Variants in METTL16 observed in about 807,000 individuals in gnomAD.
METTL16 encodes the protein RNA N(6)-adenosine-methyltransferase METTL16.
A neutral mutation model predicts 57.9 loss-of-function variants in METTL16; 19 were observed. The ratio of observed to expected loss-of-function variants is 0.33; its 90% CI spans 0.23 to 0.48. METTL16 has a LOEUF of 0.48. Ranked by LOEUF, METTL16 falls within the 20% of genes least tolerant of loss-of-function variation. The pLI is 0.99. For synonymous variants in METTL16, 246 were observed against 255.6 expected, an observed-to-expected ratio of 0.96 and a Z score of 0.36; for missense variants, 434 against 691.5, an observed-to-expected ratio of 0.63 and a Z score of 4.18.
Position 2,416,049 on chromosome 17 carries a change from T to C in METTL16, c.*3921A>G, listed in dbSNP as rs1440285868. 1 of 152,192 alleles carries C rather than the reference T, an allele frequency of 6.6e-6. No homozygotes were observed. The highest frequency in any genetic ancestry group is 1.5e-5 in the Non-Finnish European group (1 of 68,038). The allele number at this position is 152,192 out of a possible 1,614,324, so 9.4% of individuals were successfully genotyped here. ...CCAGGTAAAGAGACCATGGCTAGTG[T>C]TTTTTTCTCTTTCTACTTTTATTTT... On this transcript the variant is annotated 3_prime_UTR_variant, in exon 10 of 10. Transcript: ENST00000263092.
intron 6 of METTL16, among the ~76,000 whole-genome samples, chr17:2,446,965 C>G (rs927372646): frequency 1.6e-4 from 24 of 151,372 alleles, no homozygotes; most frequent in African/African-American, 4.4e-4. Flanking sequence ...CCTTGGCCCC[C>G]CAAAGTGCCG....
intron 1 of METTL16, among the ~76,000 whole-genome samples, chr17:2,511,094 C>T (rs145006787): frequency 4.6e-5 from 7 of 152,166 alleles, no homozygotes; most frequent in Non-Finnish European, 7.4e-5. Flanking sequence ...GGACCACCGA[C>T]ACAAAGCACC....
chr17:2,489,159 T>C (rs1184391422), intron 2 of METTL16, among the ~76,000 whole-genome samples: 2 of 149,772 alleles, frequency 1.3e-5, no homozygotes, highest in African/African-American at 4.9e-5. Flanking sequence ...GGTCTCACTA[T>C]ATTGACCAGG....
rs2066743502 is a variant in METTL16 at position 2,419,453 on chromosome 17, T to G, written c.*517A>C. ...GCATTACTAAGGTTTCTCTCCCAGATTCCCCACCACCCACCATACAGCTCC... is the reference window on the plus strand; with the variant it reads ...GCATTACTAAGGTTTCTCTCCCAGAGTCCCCACCACCCACCATACAGCTCC... On this transcript the variant is annotated 3_prime_UTR_variant, in exon 10 of 10. Transcript: ENST00000263092. 3.0e-6 allele frequency: 1 copy of G among 329,504 alleles called. No homozygotes were observed. 20.4% of individuals were successfully genotyped at this position (329,504 alleles called of 1,614,324 possible). A position where few individuals can be genotyped will look rare whatever the true frequency, so the allele number is the denominator to read the frequency against.
chr17:2,424,772 T>C (rs1224979367), intron 8 of METTL16, among the ~76,000 whole-genome samples: 1 of 151,868 alleles, frequency 6.6e-6, no homozygotes, highest in Admixed American at 6.6e-5. Flanking sequence ...TATGGTGAAA[T>C]CCCATCTCTA....
intron 1 of METTL16, among the ~76,000 whole-genome samples, chr17:2,506,711 G>T (rs1286859931): frequency 3.9e-5 from 6 of 152,012 alleles, no homozygotes; most frequent in Non-Finnish European, 8.8e-5. Context: ...CCGCCACCCC[G>T]TCTGGGAAGT....
At chr17:2,440,165 G>A (rs986561971) in intron 7 of METTL16, among the ~76,000 whole-genome samples, 6 of 152,184 alleles carry the variant, frequency 3.9e-5, no homozygotes, top group African/African-American at 1.4e-4. Flanking sequence ...GCTGAAGTGG[G>A]AGGATTGCTT....
intron 6 of METTL16, among the ~76,000 whole-genome samples, chr17:2,447,023 C>T (rs1415391171): frequency 3.9e-4 from 58 of 150,274 alleles, no homozygotes; most frequent in Non-Finnish European, 6.2e-4. Flanking sequence ...AAGTGAGGAG[C>T]GTCTCTGCTT....
At chr17:2,508,248 G>GT (rs960931474) in intron 1 of METTL16, among the ~76,000 whole-genome samples, 2 of 152,094 alleles carry the variant, frequency 1.3e-5, no homozygotes, top group African/African-American at 4.8e-5. Flanking sequence ...ATTTCAGATG[G>GT]TTTTTTGACA....
chr17:2,481,361 G>C (rs1055595419), intron 2 of METTL16, among the ~76,000 whole-genome samples: 5 of 151,978 alleles, frequency 3.3e-5, no homozygotes, highest in Middle Eastern at 3.4e-3. Context: ...AAATCTGACA[G>C]ATACCCCCTT....
At chr17:2,462,856 G>C (rs1213631884) in intron 6 of METTL16, among the ~76,000 whole-genome samples, 1 of 152,050 alleles carries the variant, frequency 6.6e-6, no homozygotes, top group Non-Finnish European at 1.5e-5. Flanking sequence ...TTTATGTTAC[G>C]TGTATTTACC....
chr17:2,443,013 A>G (rs1390187097), intron 6 of METTL16, among the ~76,000 whole-genome samples: 2 of 151,748 alleles, frequency 1.3e-5, no homozygotes, highest in East Asian at 3.9e-4. Context: ...TTTTTGAGAC[A>G]GAGTACCACT....
intron 7 of METTL16, 145 bp downstream of exon 7, chr17:2,441,345 C>G (rs567790607): frequency 1.9e-6 from 1 of 521,030 alleles, no homozygotes; most frequent in Middle Eastern, 2.9e-4. Context: ...AGGACATGCA[C>G]AACGACATGA....
rs755482842 is a variant in METTL16, at chr17:2,420,241, C to A, written c.1418G>T (p.Gly473Val). Residue 473 changes from glycine to valine, a missense_variant, in exon 10 of 10, where the codon GGG (glycine) becomes GTG (valine). Physicochemically the swap from Gly to Val is moderately radical, Grantham distance 109 (BLOSUM62 -3). Transcript: ENST00000263092. This position sits in a 1 kb window ranked among gnomAD's most constrained non-coding sequence, Gnocchi z 5.4. ...TEDERSEEKG[G>V]VEVLESCQGS... is the part of the protein sequence containing the mutation. ...TTGACAACTTTCCAAAACCTCCACC[C>A]CTCCCTTTTCCTCACTCCTTTCATC... is the stretch of plus-strand genomic sequence containing the variant. 3 of 1,614,098 alleles carry A rather than the reference C, an allele frequency of 1.9e-6. No individual in the cohort carries two copies. In the Admixed American group the frequency reaches 5.0e-5, roughly 27 times the overall value.
intron 6 of METTL16, among the ~76,000 whole-genome samples, chr17:2,447,756 G>A (rs1259141323): frequency 2.2e-5 from 3 of 135,860 alleles, no homozygotes; most frequent in African/African-American, 8.7e-5. Context: ...AGGGAGGTGG[G>A]GGGATCAGCC....
intron 3 of METTL16, among the ~76,000 whole-genome samples, chr17:2,476,533 A>G (rs754908527): frequency 8.5e-5 from 13 of 152,198 alleles, no homozygotes; most frequent in Non-Finnish European, 1.9e-4. Context: ...AGAGTGAACA[A>G]AAGAGAAAGG....
chr17:2,438,185 G>A lies in METTL16; in HGVS notation c.812C>T (p.Thr271Met). 1.2e-6 allele frequency: 2 copies of A among 1,613,344 alleles called. No homozygotes were observed. The highest frequency in any genetic ancestry group is 1.7e-6 in the Non-Finnish European group (2 of 1,179,410). The change falls in exon 8 of 10, where the codon ACG (threonine) becomes ATG (methionine). Residue 271 changes from threonine to methionine, a missense_variant. Physicochemically the swap from Thr to Met is moderately conservative, Grantham distance 81. Coordinates refer to ENST00000263092, the MANE Select transcript of METTL16 (RefSeq NM_024086.4). ...CCGACCTTGACAGAATTCAGTGTAC[G>A]TTACTTTGGGAACCTGAAACCAACA... ...ELRIQGVPKV[T>M]YTEFCQGRTM...
chr17:2,450,970 T>C (rs1471341542), intron 6 of METTL16, among the ~76,000 whole-genome samples: 1 of 152,186 alleles, frequency 6.6e-6, no homozygotes, highest in Non-Finnish European at 1.5e-5. Context: ...AACTGACATT[T>C]TTATACATCA....
In METTL16 at chr17:2,421,493, G is replaced by A. The variant is rs139633201; in HGVS notation, c.889-589C>T. Among the ~76,000 whole-genome samples, 213 of 152,288 alleles carry A rather than the reference G, an allele frequency of 1.4e-3. 2 individuals are homozygous for A. The highest frequency in any genetic ancestry group is 0.01 in the South Asian group (50 of 4,818). On this transcript the variant is annotated intron_variant, in intron 8 of 9. Coordinates refer to ENST00000263092, the MANE Select transcript of METTL16 (RefSeq NM_024086.4). Reference sequence around the variant, plus strand: ...GTAACTGCAGTTAGGACTGAACGCCGAACCCACGTTCTTTCCAGCCGCACC... The same window carrying A: ...GTAACTGCAGTTAGGACTGAACGCCAAACCCACGTTCTTTCCAGCCGCACC...
Sources: gnomAD v4.1 joint callset for allele counts (sites outside exome capture counted in the v4.1 genomes callset) on GRCh38, gnomAD v4.1.1 for gene constraint, Gnocchi (gnomAD v3.1) non-coding constraint, MANE v1.5 for transcripts, NCBI Gene and HGNC (gene_info 2026-07-23, HGNC 2026-07-21) for gene names.